Variants in DSCAM observed in about 807,000 individuals in gnomAD.
The protein encoded by DSCAM is cell adhesion molecule DSCAM.
A neutral mutation model predicts 217.7 loss-of-function variants in DSCAM; 47 were observed. The ratio of observed to expected loss-of-function variants is 0.22; its 90% CI spans 0.17 to 0.28. The LOEUF (loss-of-function observed/expected upper bound fraction) is 0.28. Among genes scored for constraint, DSCAM ranks in the 10% least tolerant of loss-of-function variants. The probability of loss-of-function intolerance (pLI) is 1.00; values close to 1 mark genes in which losing one functional copy is unlikely to be tolerated. For synonymous variants in DSCAM, 1,056 were observed against 1,015.3 expected (o/e 1.04, Z -0.76); for missense variants, 2,080 against 2,618.3 (o/e 0.79, Z 4.49).
intron 1 of DSCAM, among the ~76,000 whole-genome samples, chr21:40,735,119 T>C (rs1251933712): frequency 1.3e-5 from 2 of 152,248 alleles, no homozygotes; most frequent in African/African-American, 2.4e-5. Flanking sequence ...TATATGTTAT[T>C]TGCATGTATC....
At chr21:40,470,558 T>C (rs930988040) in intron 3 of DSCAM, among the ~76,000 whole-genome samples, 4 of 152,180 alleles carry the variant, frequency 2.6e-5, no homozygotes, top group African/African-American at 9.7e-5. Context: ...GTGTTTTGTT[T>C]ATTAGGTTTT....
chr21:40,812,322 C>T (rs899165616), intron 1 of DSCAM, among the ~76,000 whole-genome samples: 1 of 152,296 alleles, frequency 6.6e-6, no homozygotes, highest in East Asian at 1.9e-4. Flanking sequence ...AATGACAGCA[C>T]CATCACACCA....
intron 11 of DSCAM, among the ~76,000 whole-genome samples, chr21:40,199,118 C>G (rs890326607): frequency 6.6e-6 from 1 of 152,200 alleles, no homozygotes. Context: ...CTCTGCCCAT[C>G]ATGAAGGCAA....
chr21:40,041,227 A>T (rs2088742857), intron 32 of DSCAM, among the ~76,000 whole-genome samples: 1 of 152,234 alleles, frequency 6.6e-6, no homozygotes. Context: ...AAAATGGGTA[A>T]AATGAGAAAC....
chr21:40,818,310 G>A (rs1459817294), intron 1 of DSCAM, among the ~76,000 whole-genome samples: 2 of 151,166 alleles, frequency 1.3e-5, no homozygotes, highest in Non-Finnish European at 3.0e-5. Context: ...ACTTTGGGAG[G>A]CCGAGGCGGG....
rs71186936 is a variant in DSCAM, at chr21:40,428,234, TTGTGTGTGTGTGTGTGTGTG to T, written c.509-59009_509-58990del. 3.6e-3 allele frequency among the ~76,000 whole-genome samples: 465 copies of T among 129,346 alleles called. 3 individuals carry two copies. The highest frequency in any genetic ancestry group is 9.1e-3 in the African/African-American group (301 of 33,214). 84.9% of individuals were successfully genotyped at this position (129,346 alleles called of 152,430 possible). ...CTGTGTGACCATGAGGGCAAATACT[TTGTGTGTGTGTGTGTGTGTG>T]TGTGTGTGTGTGTGTGTGTGTGTGT... On this transcript the variant is annotated intron_variant, in intron 3 of 32. Transcript: ENST00000400454.
intron 3 of DSCAM, among the ~76,000 whole-genome samples, chr21:40,656,810 C>T (rs2090081997): frequency 6.6e-6 from 1 of 152,182 alleles, no homozygotes. Context: ...TCAAGAGAAT[C>T]AGCTCAGTTT....
chr21:40,688,988 G>C (rs1389515087), intron 3 of DSCAM, among the ~76,000 whole-genome samples: 1 of 152,080 alleles, frequency 6.6e-6, no homozygotes, highest in Admixed American at 6.5e-5. Context: ...GCCTGTCCTG[G>C]AAAGAAATCA....
In DSCAM at chr21:40,609,683, A is replaced by C. The variant is rs1369110418; in HGVS notation, c.508+83127T>G. On this transcript the variant is annotated intron_variant, in intron 3 of 32. Transcript: ENST00000400454. ...TCAGGAAGGGGAGAGCATTGTTAGG[A>C]CTGAATTGTTGGGGAAGATGGTAAA... is the stretch of plus-strand genomic sequence containing the variant. 2.0e-5 allele frequency among the ~76,000 whole-genome samples: 3 copies of C among 152,186 alleles called. No individual in the cohort carries two copies. The East Asian group carries it at 5.8e-4, about 29-fold the overall frequency.
intron 1 of DSCAM, among the ~76,000 whole-genome samples, chr21:40,769,179 A>G (rs2091423039): frequency 6.6e-6 from 1 of 150,828 alleles, no homozygotes; most frequent in African/African-American, 2.5e-5. Flanking sequence ...TGCAGGGAAC[A>G]TTCCAGAACA....
intron 1 of DSCAM, among the ~76,000 whole-genome samples, chr21:40,833,954 C>CCTAA (rs919206493): frequency 9.2e-5 from 14 of 152,092 alleles, no homozygotes; most frequent in African/African-American, 3.4e-4. Flanking sequence ...AGTAGCAACC[C>CCTAA]CCAACCAGAT....
At chr21:40,601,042 A>G (rs2077058011) in intron 3 of DSCAM, among the ~76,000 whole-genome samples, 1 of 152,150 alleles carries the variant, frequency 6.6e-6, no homozygotes, top group African/African-American at 2.4e-5. Flanking sequence ...CTTTAGAATC[A>G]GTTTTTCAAT....
chr21:40,175,195 C>T (rs538537429), intron 15 of DSCAM, among the ~76,000 whole-genome samples: 12 of 152,288 alleles, frequency 7.9e-5, no homozygotes, highest in African/African-American at 1.9e-4. Flanking sequence ...CTGCAACCTC[C>T]GCCTCCAGGG....
At chr21:40,162,850 C>T (rs1249359129) in intron 16 of DSCAM, among the ~76,000 whole-genome samples, 2 of 152,074 alleles carry the variant, frequency 1.3e-5, no homozygotes, top group Admixed American at 6.6e-5. Flanking sequence ...GTTCTCAGCA[C>T]AGAAATATTT....
In DSCAM at chr21:40,067,540, C is replaced by A. The variant is rs2837414; in HGVS notation, c.4889-4641G>T. Among the ~76,000 whole-genome samples the A allele has an allele frequency of 1.3e-3, 200 of 152,278 alleles. 2 individuals are homozygous for A. The highest frequency in any genetic ancestry group is 4.6e-3 in the African/African-American group (191 of 41,540). On this transcript the variant is annotated intron_variant, in intron 27 of 32. Transcript: ENST00000400454. The stretch of plus-strand genomic sequence containing the variant: ...TATTCTGTCTGCATTAGGCTGCTTA[C>A]GCTTTGGAACTTGTGTAATAGTTCT...
At chr21:40,704,740 AT>A (rs1346539935) in intron 2 of DSCAM, among the ~76,000 whole-genome samples, 1 of 152,180 alleles carries the variant, frequency 6.6e-6, no homozygotes, top group African/African-American at 2.4e-5. Flanking sequence ...ACAGAAAAAA[AT>A]GTTCTAACAC....
At chr21:40,751,184 T>A (rs1196955769) in intron 1 of DSCAM, among the ~76,000 whole-genome samples, 1 of 152,092 alleles carries the variant, frequency 6.6e-6, no homozygotes, top group Non-Finnish European at 1.5e-5. Context: ...CTCTATCACT[T>A]CGTTTAGGTT....
rs756481406 is a variant in DSCAM at position 40,692,925 on chromosome 21, C to G, written c.393G>C (p.Glu131Asp). 1 of 1,613,830 alleles carries G rather than the reference C, an allele frequency of 6.2e-7. No homozygotes were observed. The highest frequency in any genetic ancestry group is 1.3e-5 in the African/African-American group (1 of 74,894). ...VLREPYTVRV[E>D]DQKTMRGNVA... ...CATTGCCTCTCATGGTTTTCTGGTC[C>G]TCCACACGGACTGTATAGGGCTCCC... The change falls in exon 3 of 33, where the codon GAG becomes GAC. Residue 131 changes from glutamate to aspartate, a missense_variant. Coordinates refer to ENST00000400454, the MANE Select transcript of DSCAM (RefSeq NM_001389.5).
At chr21:40,652,145 G>C (rs2146361790) in intron 3 of DSCAM, among the ~76,000 whole-genome samples, 1 of 141,846 alleles carries the variant, frequency 7.0e-6, no homozygotes, top group African/African-American at 2.7e-5. Context: ...ACACACTGGG[G>C]CCTGTTGAAG....
Sources: gnomAD v4.1 joint callset for allele counts (sites outside exome capture counted in the v4.1 genomes callset) on GRCh38, gnomAD v4.1.1 for gene constraint, MANE v1.5 for transcripts, NCBI Gene and HGNC (gene_info 2026-07-23, HGNC 2026-07-21) for gene names.